Variants in TTC27 observed in about 807,000 individuals in gnomAD.
The protein encoded by TTC27 is tetratricopeptide repeat protein 27.
TTC27 carries 79 observed loss-of-function variants against 115.9 expected under a neutral mutation model. The observed-to-expected ratio is 0.68, with a 90% confidence interval of 0.57 to 0.82. TTC27 has a LOEUF of 0.82. Ranked by LOEUF, TTC27 falls within the 40% of genes least tolerant of loss-of-function variation. The pLI, the probability that TTC27 is intolerant of heterozygous loss-of-function variation, is 0.00. For missense variants in TTC27, 1,054 were observed against 993.1 expected (o/e 1.06, Z -0.82); for synonymous variants, 401 against 356.0 (o/e 1.13, Z -1.42).
At chr2:32,727,996 G>A (rs567279483) in intron 10 of TTC27, among the ~76,000 whole-genome samples, 4 of 151,422 alleles carry the variant, frequency 2.6e-5, no homozygotes, top group Admixed American at 2.0e-4. Context: ...TTAAGGGGAC[G>A]GCTGCATGAT....
chr2:32,727,372 T>C (rs1227733952), intron 10 of TTC27, among the ~76,000 whole-genome samples: 1 of 152,232 alleles, frequency 6.6e-6, no homozygotes, highest in Admixed American at 6.5e-5. Context: ...GTGAGTACTT[T>C]CTTGTTTGTT....
At chr2:32,682,841 ATTG>A (rs1374416282) in intron 9 of TTC27, among the ~76,000 whole-genome samples, 4,118 of 76,242 alleles carry the variant, frequency 0.054, 661 homozygotes, top group Middle Eastern at 0.13. Context: ...GATAATTTTT[ATTG>A]TTGTTTTTTT....
At chr2:32,776,965 T>C (rs748978163) in intron 13 of TTC27, among the ~76,000 whole-genome samples, 3 of 151,734 alleles carry the variant, frequency 2.0e-5, no homozygotes, top group Non-Finnish European at 4.4e-5. Context: ...TTTAAGGAAA[T>C]ATTATGATGT....
chr2:32,790,857 A>G (rs1429429984), intron 16 of TTC27, among the ~76,000 whole-genome samples: 2 of 152,284 alleles, frequency 1.3e-5, no homozygotes, highest in South Asian at 2.1e-4. Flanking sequence ...TAGTTTTTAC[A>G]TGGACTCTTT....
chr2:32,701,870 G>T (rs1409360694), intron 9 of TTC27, among the ~76,000 whole-genome samples: 2 of 151,912 alleles, frequency 1.3e-5, no homozygotes, highest in African/African-American at 4.8e-5. Flanking sequence ...AATTAGCCGG[G>T]CATGGTGGTA....
chr2:32,758,790 A>G (rs1558328901), intron 13 of TTC27, among the ~76,000 whole-genome samples: 2 of 152,150 alleles, frequency 1.3e-5, no homozygotes, highest in Admixed American at 1.3e-4. Flanking sequence ...ACATACAACT[A>G]TTAAAATTAG....
At chr2:32,761,702 C>A (rs1669442608) in intron 13 of TTC27, among the ~76,000 whole-genome samples, 1 of 152,092 alleles carries the variant, frequency 6.6e-6, no homozygotes, top group Non-Finnish European at 1.5e-5. Flanking sequence ...GAGGGGCCTT[C>A]CATGATCATT....
At chr2:32,812,467 CT>C in intron 17 of TTC27, 36 bp from the exon 18 acceptor site, 1 of 1,444,678 alleles carries the variant, frequency 6.9e-7, no homozygotes. Context: ...GTGAATTCTA[CT>C]TGTTATTCTG....
intron 10 of TTC27, among the ~76,000 whole-genome samples, chr2:32,704,492 AT>A (rs1295229193): frequency 6.6e-6 from 1 of 152,064 alleles, no homozygotes; most frequent in African/African-American, 2.4e-5. Context: ...CCGGCCAAAA[AT>A]TTATTTTTAT....
intron 5 of TTC27, among the ~76,000 whole-genome samples, chr2:32,653,363 CGCAGTGGATCACCTGAGG>C (rs2151871754): frequency 6.6e-6 from 1 of 152,078 alleles, no homozygotes; most frequent in South Asian, 2.1e-4. Flanking sequence ...GGGAGGCTGA[CGCAGTGGATCACCTGAGG>C]TCAAGAGTTC....
chr2:32,715,031 C>G (rs1478948509), intron 10 of TTC27, among the ~76,000 whole-genome samples: 1 of 151,984 alleles, frequency 6.6e-6, no homozygotes, highest in Non-Finnish European at 1.5e-5. Context: ...TAGGTTGTCT[C>G]TTTACTCTGT....
chr2:32,669,725 A>G (rs1241927849), intron 7 of TTC27, among the ~76,000 whole-genome samples: 1 of 151,946 alleles, frequency 6.6e-6, no homozygotes. Context: ...TCTCTGCTAA[A>G]AATAGAAAAG....
intron 8 of TTC27, among the ~76,000 whole-genome samples, chr2:32,673,316 A>C (rs112989494): frequency 6.1e-5 from 9 of 147,992 alleles, no homozygotes; most frequent in African/African-American, 2.0e-4. Flanking sequence ...CCTCCGCCCC[A>C]CGGGCTCAAG....
At chr2:32,728,296 C>T (rs571750276) in intron 10 of TTC27, among the ~76,000 whole-genome samples, 70 of 152,242 alleles carry the variant, frequency 4.6e-4, no homozygotes, top group African/African-American at 1.6e-3. Flanking sequence ...CGGCCTCGGC[C>T]TCCCAAAGTG....
At chr2:32,764,485 G>A (rs1484083235) in intron 13 of TTC27, among the ~76,000 whole-genome samples, 1 of 152,154 alleles carries the variant, frequency 6.6e-6, no homozygotes, top group Non-Finnish European at 1.5e-5. Context: ...CCTTCAGTGA[G>A]TTATCATCTT....
chr2:32,736,920 A>G, intron 12 of TTC27, 104 bp downstream of exon 12: 1 of 1,402,400 alleles, frequency 7.1e-7, no homozygotes, highest in South Asian at 1.5e-5. Flanking sequence ...ATTCACTTAT[A>G]TTCCTTTTTT....
intron 5 of TTC27, among the ~76,000 whole-genome samples, chr2:32,659,780 C>T (rs976490842): frequency 6.6e-6 from 1 of 152,070 alleles, no homozygotes; most frequent in East Asian, 1.9e-4. Context: ...GTTTTCTGTT[C>T]CCGTGTTAGT....
intron 5 of TTC27, among the ~76,000 whole-genome samples, chr2:32,660,099 C>T (rs113716559): frequency 0.013 from 2,032 of 152,216 alleles, 39 homozygotes; most frequent in African/African-American, 0.046. Flanking sequence ...ACACTGTGTT[C>T]CACAATGGTT....
At chr2:32,771,043 A>G (rs555701716) in intron 13 of TTC27, among the ~76,000 whole-genome samples, 12 of 152,310 alleles carry the variant, frequency 7.9e-5, no homozygotes, top group Non-Finnish European at 1.2e-4. Context: ...TACTGTGATA[A>G]CATCTGGGCT....
Sources: gnomAD v4.1 joint callset for allele counts (sites outside exome capture counted in the v4.1 genomes callset) on GRCh38, gnomAD v4.1.1 for gene constraint, MANE v1.5 for transcripts, NCBI Gene and HGNC (gene_info 2026-07-23, HGNC 2026-07-21) for gene names.